The following SLC1A6 variants were observed in gnomAD, a reference collection of about 807,000 sequenced individuals.
The protein encoded by SLC1A6 is solute carrier family 1 member 6, also known as excitatory amino acid transporter 4.
SLC1A6 carries 15 observed loss-of-function variants against 42.1 expected under a neutral mutation model. The observed-to-expected ratio is 0.36, with a 90% CI of 0.24 to 0.55. The LOEUF is 0.55. Ranked by LOEUF, SLC1A6 falls within the 20% of genes least tolerant of loss-of-function variation. The probability of loss-of-function intolerance (pLI) is 0.88; values close to 1 mark genes in which losing one functional copy is unlikely to be tolerated. For missense variants in SLC1A6, 542 were observed against 772.5 expected (o/e 0.70, Z 3.54); for synonymous variants, 317 against 319.7 (o/e 0.99, Z 0.09).
In SLC1A6 at chr19:14,950,350, T is replaced by A; in HGVS notation, c.1540A>T (p.Ile514Phe). The A allele has an allele frequency of 6.2e-7, 1 of 1,607,038 alleles. No homozygotes were observed. The highest frequency in any genetic ancestry group is 8.5e-7 in the Non-Finnish European group (1 of 1,175,916). Reference sequence around the variant, plus strand: ...AAGTGCTCGATGACGGCCGCTCCAATTGAGTCCCCCAGTACGTTGGTCATT... The same window carrying A: ...AAGTGCTCGATGACGGCCGCTCCAAATGAGTCCCCCAGTACGTTGGTCATT... Reference protein sequence around the residue: ...RTMTNVLGDSIGAAVIEHLSQ... With the variant: ...RTMTNVLGDSFGAAVIEHLSQ... The change falls in exon 10 of 10, where the codon ATT becomes TTT. Residue 514 changes from isoleucine (I) to phenylalanine (F), a missense_variant. By Grantham distance (21) the Ile-to-Phe change is conservative (BLOSUM62 0). Around this residue, in one of 6 missense-constraint regions of SLC1A6, gnomAD observed 73 missense variants for 85.2 expected, o/e 0.86. Transcript: ENST00000594383.
chr19:14,962,620 A>G (rs1245543006), intron 5 of SLC1A6, among the ~76,000 whole-genome samples: 2 of 152,130 alleles, frequency 1.3e-5, no homozygotes, highest in Non-Finnish European at 2.9e-5. Flanking sequence ...TAAAAATAGA[A>G]CTACCGGCCG....
chr19:15,008,868 C>A (rs1171711934), intron 1 of SLC1A6, among the ~76,000 whole-genome samples: 1 of 149,774 alleles, frequency 6.7e-6, no homozygotes, highest in Non-Finnish European at 1.5e-5. Flanking sequence ...TACAGGCAGG[C>A]ACCTGTAATT....
chr19:14,971,976 G>A (rs78426630), intron 2 of SLC1A6, 102 bp from the exon 3 acceptor site: 62,496 of 1,109,702 alleles, frequency 0.056, 3,454 homozygotes, highest in East Asian at 0.28. Flanking sequence ...GGGAGTGAGG[G>A]AGAGAAATAT....
At chr19:14,999,984 AT>A (rs1438120871) in intron 1 of SLC1A6, among the ~76,000 whole-genome samples, 1 of 151,004 alleles carries the variant, frequency 6.6e-6, no homozygotes, top group Admixed American at 6.6e-5. Flanking sequence ...TCCTAATGCT[AT>A]CTCTTCCCCC....
At chr19:14,996,555 C>CTTCTTCTTCTTT (rs1342516070) in intron 1 of SLC1A6, among the ~76,000 whole-genome samples, 1 of 136,350 alleles carries the variant, frequency 7.3e-6, no homozygotes, top group Admixed American at 7.3e-5. Flanking sequence ...TCTTCTTCTT[C>CTTCTTCTTCTTT]TTCTTGTTCT....
At chr19:14,981,376 G>T (rs62113321), upstream of SLC1A6, among the ~76,000 whole-genome samples, 27,154 of 152,012 alleles carry the variant, frequency 0.18, 2,770 homozygotes, top group South Asian at 0.27. Flanking sequence ...CCTGGAAGTG[G>T]GACCCAGGCA....
intron 1 of SLC1A6, among the ~76,000 whole-genome samples, chr19:14,978,797 T>TGTACACCCTCAGGCACACAA (rs2045739222): frequency 1.3e-5 from 2 of 151,836 alleles, no homozygotes; most frequent in Non-Finnish European, 2.9e-5. Flanking sequence ...TACACATTCA[T>TGTACACCCTCAGGCACACAA]GTACACCCTC....
rs906453825 is a variant in SLC1A6, at chr19:14,950,521, T to G, written c.1500-131A>C. ...CATTGCAGTACAATCCATGACCACA[T>G]GTCCCCAAGCAGGTTCTTCCCCCTC... On this transcript the variant is annotated intron_variant, in intron 9 of 9. Transcript: ENST00000594383. 2.4e-5 allele frequency: 13 copies of G among 546,442 alleles called. No individual in the cohort carries two copies. In the African/African-American group the frequency reaches 2.5e-4, roughly 11 times the overall value. 33.8% of individuals were successfully genotyped at this position (546,442 alleles called of 1,614,324 possible). A position where few individuals can be genotyped will look rare whatever the true frequency, so the allele number is the denominator to read the frequency against.
intron 1 of SLC1A6, among the ~76,000 whole-genome samples, chr19:14,986,501 C>T (rs372033160): frequency 1.8e-4 from 26 of 148,336 alleles, no homozygotes; most frequent in African/African-American, 6.0e-4. Flanking sequence ...CCAGCCTGGG[C>T]GGCAAGAGTG....
At chr19:14,991,425 G>T (rs2045819436) in intron 1 of SLC1A6, among the ~76,000 whole-genome samples, 1 of 152,072 alleles carries the variant, frequency 6.6e-6, no homozygotes, top group Non-Finnish European at 1.5e-5. Flanking sequence ...AGGAGTTCAA[G>T]CCCCCTGGCC....
At position 14,962,177 on chromosome 19, in the gene SLC1A6, C is replaced by T; in HGVS notation, c.760G>A (p.Glu254Lys). 1.2e-6 allele frequency: 2 copies of T among 1,614,214 alleles called. No individual in the cohort carries two copies. Among genetic ancestry groups the T allele is most frequent in the Non-Finnish European group, 8.5e-7 (1 of 1,180,042 alleles). ...LGTLQEMLSF[E>K]ETVPVPGSAN... ...GAGCCAGGCACGGGTACAGTCTCCT[C>T]AAAGCTCAGCATCTCCTGCAGGGTA... Residue 254 changes from glutamate to lysine, a missense_variant, in exon 6 of 10, where the codon GAG becomes AAG. Physicochemically the swap from Glu to Lys is moderately conservative, Grantham distance 56. Coordinates refer to ENST00000594383, the MANE Select transcript of SLC1A6 (RefSeq NM_005071.3).
At chr19:14,959,604 A>G (rs1172734600) in intron 6 of SLC1A6, among the ~76,000 whole-genome samples, 1 of 152,248 alleles carries the variant, frequency 6.6e-6, no homozygotes, top group African/African-American at 2.4e-5. Context: ...GATGATGTAC[A>G]AAGTCTTCTC....
chr19:15,000,021 G>A (rs567462198), intron 1 of SLC1A6, among the ~76,000 whole-genome samples: 4 of 79,390 alleles, frequency 5.0e-5, no homozygotes, highest in African/African-American at 1.6e-4. Context: ...AACAGGCCCC[G>A]GTGTGTGAGG....
Position 14,979,436 on chromosome 19 carries a change from G to C in SLC1A6, c.-135C>G, listed in dbSNP as rs2045749239. 1 of 152,112 alleles carries C rather than the reference G, an allele frequency of 6.6e-6. No homozygotes were observed. Among genetic ancestry groups the C allele is most frequent in the Non-Finnish European group, 1.5e-5 (1 of 68,010 alleles). The allele number at this position is 152,112 out of a possible 1,614,324, so 9.4% of individuals were successfully genotyped here. A position where few individuals can be genotyped will look rare whatever the true frequency, so the allele number is the denominator to read the frequency against. On this transcript the variant is annotated 5_prime_UTR_variant, in exon 1 of 10. Coordinates refer to ENST00000594383, the MANE Select transcript of SLC1A6 (RefSeq NM_005071.3). This position sits in a 1 kb window ranked among gnomAD's most constrained non-coding sequence, Gnocchi z 4.2. ...CCCACACGCCTGACCCCAGCGCCTC[G>C]GATCCCCCACCTGCCCGCAACCTCC...
Position 14,951,119 on chromosome 19 carries a change from A to T in SLC1A6, c.1500-729T>A, listed in dbSNP as rs997118004. ...AAAAAAATTAGCTGGGCATGGTGGC[A>T]TGCCCAGTAGTAATCCCAGCTACTC... On this transcript the variant is annotated intron_variant, in intron 9 of 9. Transcript: ENST00000594383. Among the ~76,000 whole-genome samples the T allele has an allele frequency of 6.8e-5, 10 of 146,670 alleles. 1 individual carries two copies. Among genetic ancestry groups the T allele is most frequent in the Admixed American group, 4.1e-4 (6 of 14,632 alleles).
chr19:14,972,752 C>A lies in SLC1A6; in HGVS notation c.159G>T (p.Leu53=). 6.2e-7 allele frequency: 1 copy of A among 1,614,040 alleles called. No homozygotes were observed. The highest frequency in any genetic ancestry group is 1.1e-5 in the South Asian group (1 of 91,076). ...TMTLEHVLRF[L]RRNAFILLTV... ...TCAGCAGAATGAAGGCGTTTCGGCG[C>A]AGGAAGCGCAGCACGTGCTCGAGGG... The change falls in exon 2 of 10, where the codon CTG becomes CTT. Residue 53 remains leucine, a synonymous_variant. Coordinates refer to ENST00000594383, the MANE Select transcript of SLC1A6 (RefSeq NM_005071.3).
At chr19:15,003,081 C>T (rs768252142) in intron 1 of SLC1A6, among the ~76,000 whole-genome samples, 7 of 152,092 alleles carry the variant, frequency 4.6e-5, no homozygotes, top group African/African-American at 7.2e-5. Flanking sequence ...CGGGTTCAAG[C>T]GATTCTCATG....
intron 1 of SLC1A6, among the ~76,000 whole-genome samples, chr19:14,991,704 G>A (rs2045820985): frequency 6.6e-6 from 1 of 151,294 alleles, no homozygotes; most frequent in African/African-American, 2.4e-5. Flanking sequence ...AAAAACCTCG[G>A]TATTAAAGAG....
upstream of SLC1A6, among the ~76,000 whole-genome samples, chr19:14,981,711 T>C (rs2045768939): frequency 6.6e-6 from 1 of 152,234 alleles, no homozygotes; most frequent in African/African-American, 2.4e-5. Context: ...TCCCTGGCAA[T>C]TGGCCTTGCA....
Sources: gnomAD v4.1 joint callset for allele counts (sites outside exome capture counted in the v4.1 genomes callset) on GRCh38, gnomAD v4.1.1 for gene constraint, gnomAD v4.1.1 regional missense constraint, Gnocchi (gnomAD v3.1) non-coding constraint, MANE v1.5 for transcripts, NCBI Gene and HGNC (gene_info 2026-07-23, HGNC 2026-07-21) for gene names.